Variants in ZMYM1 observed in about 807,000 individuals in gnomAD.
The protein encoded by ZMYM1 is zinc finger MYM-type protein 1.
In ZMYM1, 39 loss-of-function variants were observed where a neutral mutation model predicts 60.0. The observed-to-expected ratio is 0.65, with a 90% confidence interval of 0.50 to 0.85. ZMYM1 has a LOEUF of 0.85. ZMYM1 is among the 40% of genes least tolerant of loss of function. ZMYM1 has a pLI of 0.00. For missense variants in ZMYM1, 1,171 were observed against 1,309.5 expected, an observed-to-expected ratio of 0.89 and a Z score of 1.63; for synonymous variants, 413 against 454.0, an observed-to-expected ratio of 0.91 and a Z score of 1.15.
At chr1:35,073,702 G>GAA (rs1642115224) in intron 1 of ZMYM1, among the ~76,000 whole-genome samples, 1 of 151,330 alleles carries the variant, frequency 6.6e-6, no homozygotes, top group African/African-American at 2.4e-5. Flanking sequence ...AAGGAGGGAG[G>GAA]GAGGAAGGAA....
At chr1:35,116,011 C>T (rs1231713437), downstream of ZMYM1, among the ~76,000 whole-genome samples, 2 of 152,052 alleles carry the variant, frequency 1.3e-5, no homozygotes, top group African/African-American at 4.8e-5. Flanking sequence ...GAAGGAAGAT[C>T]GCTTGAGGCC....
At position 35,115,342 on chromosome 1, in the gene ZMYM1, C is replaced by T. The variant is rs1394452210; in HGVS notation, c.*83C>T. ...TCAAAATTGTTCAAAATTCAAAAGA[C>T]ACAGAACGATAAACAGTGAAGTCTC... is the stretch of plus-strand genomic sequence containing the variant. On this transcript the variant is annotated 3_prime_UTR_variant, in exon 10 of 10. Transcript: ENST00000359858. 2 of 1,427,468 alleles carry T rather than the reference C, an allele frequency of 1.4e-6. No individual in the cohort carries two copies. The highest frequency in any genetic ancestry group is 2.6e-5 in the Admixed American group (1 of 38,878). 88.4% of individuals were successfully genotyped at this position (1,427,468 alleles called of 1,614,324 possible). A position where few individuals can be genotyped will look rare whatever the true frequency, so the allele number is the denominator to read the frequency against.
intron 1 of ZMYM1, among the ~76,000 whole-genome samples, chr1:35,070,921 G>C (rs950804181): frequency 6.6e-6 from 1 of 151,696 alleles, no homozygotes; most frequent in Non-Finnish European, 1.5e-5. Flanking sequence ...GTCTCACTCT[G>C]TTGCCCAGGT....
chr1:35,109,816 A>G (rs1389423577), intron 6 of ZMYM1, among the ~76,000 whole-genome samples: 1 of 151,394 alleles, frequency 6.6e-6, no homozygotes, highest in East Asian at 1.9e-4. Flanking sequence ...TCACAATCTC[A>G]GCTCACTGCA....
rs1271073020 is a variant in ZMYM1, at chr1:35,113,061, G to A, written c.1231G>A (p.Val411Ile). The A allele has an allele frequency of 6.2e-7, 1 of 1,613,972 alleles. No homozygotes were observed. The highest frequency in any genetic ancestry group is 8.5e-7 in the Non-Finnish European group (1 of 1,179,960). ...GCCAAGCGTTTCACCATCTTCATCAGTATTCAGTCAGCATGCAATTGGTTC... is the reference window on the plus strand; with the variant it reads ...GCCAAGCGTTTCACCATCTTCATCAATATTCAGTCAGCATGCAATTGGTTC... Reference protein sequence around the residue: ...EQPSVSPSSSVFSQHAIGSST... With the variant: ...EQPSVSPSSSIFSQHAIGSST... Residue 411 changes from valine (V) to isoleucine (I), a missense_variant, in exon 10 of 10, where the codon GTA becomes ATA. Val to Ile is a conservative substitution (Grantham distance 29). Coordinates refer to ENST00000359858, the MANE Select transcript of ZMYM1 (RefSeq NM_024772.5).
At chr1:35,118,322 A>C (rs1466947146), downstream of ZMYM1, among the ~76,000 whole-genome samples, 1 of 151,922 alleles carries the variant, frequency 6.6e-6, no homozygotes, top group Non-Finnish European at 1.5e-5. Context: ...TTTTAATGGA[A>C]GTGCTTAAGG....
At chr1:35,103,439 A>G (rs903516514) in intron 4 of ZMYM1, among the ~76,000 whole-genome samples, 1 of 152,154 alleles carries the variant, frequency 6.6e-6, no homozygotes, top group African/African-American at 2.4e-5. Context: ...CCTTAGCATA[A>G]TATTTTCAAG....
intron 1 of ZMYM1, among the ~76,000 whole-genome samples, chr1:35,081,153 C>T (rs981115386): frequency 6.6e-6 from 1 of 151,794 alleles, no homozygotes; most frequent in Non-Finnish European, 1.5e-5. Context: ...TCTAGAACTC[C>T]GACCTCAGCT....
At chr1:35,099,762 A>G (rs1643539166) in intron 4 of ZMYM1, among the ~76,000 whole-genome samples, 1 of 152,168 alleles carries the variant, frequency 6.6e-6, no homozygotes, top group African/African-American at 2.4e-5. Flanking sequence ...AGACAGAGTC[A>G]CTATGTTTCC....
chr1:35,066,956 C>G (rs111344401), intron 1 of ZMYM1, among the ~76,000 whole-genome samples: 2,137 of 152,198 alleles, frequency 0.014, 58 homozygotes, highest in African/African-American at 0.048. Context: ...TGAAAAAGAT[C>G]AAAGTATTTA....
In ZMYM1 at chr1:35,111,886, C is replaced by T; in HGVS notation, c.1076C>T (p.Pro359Leu). 5 of 1,596,952 alleles carry T rather than the reference C, an allele frequency of 3.1e-6. No homozygotes were observed. The highest frequency in any genetic ancestry group is 4.3e-6 in the Non-Finnish European group (5 of 1,169,874). Residue 359 changes from proline to leucine, a missense_variant, in exon 8 of 10, where the codon CCC becomes CTC. Transcript: ENST00000359858. ...VSLADTDVAL[P>L]IMNTDVLQDT... ...TTGGCAGACACCGATGTTGCCTTGC[C>T]CATCATGAACACTGATGTCTTACAA...
downstream of ZMYM1, among the ~76,000 whole-genome samples, chr1:35,116,741 GCCA>G (rs1644252362): frequency 6.7e-6 from 1 of 149,124 alleles, no homozygotes; most frequent in Admixed American, 6.7e-5. Context: ...TATGGCATAA[GCCA>G]CCACGCCCAG....
chr1:35,090,166 C>T (rs1389158152), intron 1 of ZMYM1, among the ~76,000 whole-genome samples: 1 of 151,964 alleles, frequency 6.6e-6, no homozygotes, highest in Non-Finnish European at 1.5e-5. Flanking sequence ...TCGGCCTCCC[C>T]AAGTGCTGGG....
chr1:35,091,698 C>G (rs909344678), intron 1 of ZMYM1, among the ~76,000 whole-genome samples: 1 of 148,198 alleles, frequency 6.7e-6, no homozygotes, highest in Non-Finnish European at 1.5e-5. Context: ...AGTTCGAGAT[C>G]AGTCTGGGCA....
rs914052219 is a variant in ZMYM1 at position 35,109,171 on chromosome 1, G to A, written c.808-1123G>A. On this transcript the variant is annotated intron_variant, in intron 6 of 9. Transcript: ENST00000359858. ...CAAGTAAATGGGACTACAGGCGCACGCCACCACACTAGGCTAATTTTTTAT... is the reference window on the plus strand; with the variant it reads ...CAAGTAAATGGGACTACAGGCGCACACCACCACACTAGGCTAATTTTTTAT... 9.2e-5 allele frequency among the ~76,000 whole-genome samples: 14 copies of A among 152,096 alleles called. No homozygotes were observed. In the East Asian group the frequency reaches 1.7e-3, roughly 19 times the overall value.
chr1:35,080,098 C>CAA (rs56835808), intron 1 of ZMYM1, among the ~76,000 whole-genome samples: 104,312 of 149,482 alleles, frequency 0.7, 40,343 homozygotes, highest in Non-Finnish European at 0.89. Flanking sequence ...GACCCCGTCT[C>CAA]AAAAAAAAAA....
In ZMYM1 at chr1:35,067,165, G is replaced by A. The variant is rs941412122; in HGVS notation, c.-301+7240G>A. Among the ~76,000 whole-genome samples the A allele has an allele frequency of 7.9e-5, 12 of 152,156 alleles. 1 individual carries two copies. Among genetic ancestry groups the A allele is most frequent in the South Asian group, 2.1e-4 (1 of 4,816 alleles). On this transcript the variant is annotated intron_variant, in intron 1 of 10. Coordinates refer to the ZMYM1 transcript ENST00000417119. Reference sequence around the variant, plus strand: ...GGCTAATTTTTGTATTTTTAGTAGAGATGGGATTTCACCATGTTGACCAGG... The same window carrying A: ...GGCTAATTTTTGTATTTTTAGTAGAAATGGGATTTCACCATGTTGACCAGG...
chr1:35,096,310 T>TAAAA, intron 3 of ZMYM1, among the ~76,000 whole-genome samples: 1 of 122,020 alleles, frequency 8.2e-6, no homozygotes, highest in East Asian at 2.3e-4. Context: ...AGACTCTGTC[T>TAAAA]AAAAAAAAAA....
intron 1 of ZMYM1, among the ~76,000 whole-genome samples, chr1:35,071,002 A>G (rs1294124580): frequency 6.6e-6 from 1 of 152,016 alleles, no homozygotes; most frequent in African/African-American, 2.4e-5. Flanking sequence ...CTCATGCTTC[A>G]GCCTCCCAAG....
Sources: gnomAD v4.1 joint callset for allele counts (sites outside exome capture counted in the v4.1 genomes callset) on GRCh38, gnomAD v4.1.1 for gene constraint, MANE v1.5 for transcripts, NCBI Gene and HGNC (gene_info 2026-07-23, HGNC 2026-07-21) for gene names.